Variants in BCKDHB observed in about 807,000 individuals in gnomAD.
The protein encoded by BCKDHB is branched chain keto acid dehydrogenase E1 subunit beta.
In BCKDHB, 41 loss-of-function variants were observed where a neutral mutation model predicts 48.5. The ratio of observed to expected loss-of-function variants is 0.85; its 90% CI spans 0.66 to 1.10. The LOEUF is 1.10. Ranked by LOEUF, BCKDHB falls within the 50% of genes least tolerant of loss-of-function variation. BCKDHB has a pLI of 0.00. For missense variants in BCKDHB, 496 were observed against 494.2 expected (o/e 1.00, Z -0.03); for synonymous variants, 201 against 174.8 (o/e 1.15, Z -1.18).
At chr6:80,419,763 G>T in the BCKDHB span, among the ~76,000 whole-genome samples, 1 of 152,186 alleles carries the variant, frequency 6.6e-6, no homozygotes, top group Non-Finnish European at 1.5e-5. Flanking sequence ...GCCACTGATG[G>T]CCAGGAATGA....
At chr6:80,338,998 T>C (rs2128016123) in intron 9 of BCKDHB, among the ~76,000 whole-genome samples, 1 of 74,064 alleles carries the variant, frequency 1.4e-5, no homozygotes, top group South Asian at 3.3e-4. Context: ...TTATGAAACC[T>C]TGCCATAAAA....
At chr6:80,459,365 A>G in the BCKDHB span, among the ~76,000 whole-genome samples, 1 of 152,210 alleles carries the variant, frequency 6.6e-6, no homozygotes, top group African/African-American at 2.4e-5. Context: ...TTAGCAAAAT[A>G]AATAAACCAG....
At chr6:80,114,583 G>T (rs1396571478) in intron 1 of BCKDHB, among the ~76,000 whole-genome samples, 1 of 152,074 alleles carries the variant, frequency 6.6e-6, no homozygotes, top group East Asian at 1.9e-4. Flanking sequence ...TTTGGAAGTA[G>T]GATTTGATAG....
chr6:80,263,411 TTTTG>T (rs1483237159), intron 8 of BCKDHB, among the ~76,000 whole-genome samples: 11 of 152,186 alleles, frequency 7.2e-5, no homozygotes, highest in Admixed American at 1.3e-4. Flanking sequence ...AAGTTATATA[TTTTG>T]TTTTTCTCTG....
intron 9 of BCKDHB, among the ~76,000 whole-genome samples, chr6:80,292,217 G>A (rs985562902): frequency 3.3e-5 from 5 of 152,184 alleles, no homozygotes; most frequent in African/African-American, 1.2e-4. Context: ...TCAAAGGAAA[G>A]CACACCATTT....
chr6:80,174,943 T>C (rs962098425), intron 6 of BCKDHB, among the ~76,000 whole-genome samples: 5 of 152,250 alleles, frequency 3.3e-5, no homozygotes, highest in African/African-American at 1.2e-4. Context: ...CATAAATACA[T>C]TTATGAATTA....
At chr6:80,295,049 C>A (rs1767151786) in intron 9 of BCKDHB, among the ~76,000 whole-genome samples, 1 of 152,166 alleles carries the variant, frequency 6.6e-6, no homozygotes, top group African/African-American at 2.4e-5. Flanking sequence ...AGGTGGGCAT[C>A]ACAGTCCTAC....
intron 8 of BCKDHB, among the ~76,000 whole-genome samples, chr6:80,207,972 G>A (rs896946543): frequency 2.0e-5 from 3 of 151,732 alleles, no homozygotes; most frequent in Non-Finnish European, 4.4e-5. Context: ...ACAAAATCTC[G>A]TGAAGTGTAT....
chr6:80,115,483 A>G (rs1314784186), intron 1 of BCKDHB, among the ~76,000 whole-genome samples: 1 of 152,158 alleles, frequency 6.6e-6, no homozygotes, highest in Admixed American at 6.5e-5. Flanking sequence ...GATGGAGGGT[A>G]GAGGTTTTGT....
chr6:80,174,147 A>G (rs116470848), intron 6 of BCKDHB, among the ~76,000 whole-genome samples: 2,173 of 152,198 alleles, frequency 0.014, 50 homozygotes, highest in African/African-American at 0.049. Flanking sequence ...TCTTGTGTAC[A>G]TTTGGGAATA....
chr6:80,448,396 A>G, the BCKDHB span, among the ~76,000 whole-genome samples: 1 of 152,136 alleles, frequency 6.6e-6, no homozygotes, highest in Non-Finnish European at 1.5e-5. Context: ...ATGCTATGTG[A>G]AGAATATATT....
chr6:80,186,519 G>A (rs1469833456), intron 6 of BCKDHB, among the ~76,000 whole-genome samples: 2 of 152,182 alleles, frequency 1.3e-5, no homozygotes, highest in African/African-American at 4.8e-5. Flanking sequence ...AGGGCTCTCA[G>A]GCCTTGCCCT....
chr6:80,395,270 C>T, the BCKDHB span, among the ~76,000 whole-genome samples: 1,978 of 152,140 alleles, frequency 0.013, 41 homozygotes, highest in African/African-American at 0.045. Flanking sequence ...TTTGGAGCTT[C>T]CTAAAGACTT....
At chr6:80,397,778 G>A in the BCKDHB span, among the ~76,000 whole-genome samples, 3 of 152,214 alleles carry the variant, frequency 2.0e-5, no homozygotes, top group African/African-American at 7.2e-5. Flanking sequence ...TACTCAGGAG[G>A]CTGAGGCAGG....
chr6:80,370,752 G>A, the BCKDHB span, among the ~76,000 whole-genome samples: 3 of 149,924 alleles, frequency 2.0e-5, no homozygotes, highest in Non-Finnish European at 4.4e-5. Flanking sequence ...GCTGAGTAGT[G>A]TTCCATGGGG....
intron 8 of BCKDHB, among the ~76,000 whole-genome samples, chr6:80,240,449 C>T (rs1047836426): frequency 6.6e-5 from 10 of 152,098 alleles, no homozygotes; most frequent in Non-Finnish European, 1.5e-4. Flanking sequence ...GGAGTTCACT[C>T]ATGATTTGGC....
In BCKDHB at chr6:80,106,830, C is replaced by T; in HGVS notation, c.137C>T (p.Ala46Val). 3 of 1,610,150 alleles carry T rather than the reference C, an allele frequency of 1.9e-6. No individual in the cohort carries two copies. The highest frequency in any genetic ancestry group is 2.2e-5 in the East Asian group (1 of 44,752). The change falls in exon 1 of 10, where the codon GCC (alanine) becomes GTC (valine). Residue 46 changes from alanine (A) to valine (V), a missense_variant. Physicochemically the swap from Ala to Val is moderately conservative, Grantham distance 64. Coordinates refer to ENST00000320393, the MANE Select transcript of BCKDHB (RefSeq NM_183050.4). ...CCCGCCGCGACTGTCGAGGATGCGG[C>T]CCAGAGGCGGCAGGTGGCTCATTTT... Reference protein sequence around the residue: ...LHPAATVEDAAQRRQVAHFTF... With the variant: ...LHPAATVEDAVQRRQVAHFTF...
chr6:80,403,205 A>C, the BCKDHB span, among the ~76,000 whole-genome samples: 5 of 151,884 alleles, frequency 3.3e-5, no homozygotes, highest in Admixed American at 2.0e-4. Context: ...GGCCATTTTA[A>C]CAATATCAAT....
the BCKDHB span, among the ~76,000 whole-genome samples, chr6:80,368,994 C>CA: frequency 1.4e-5 from 2 of 140,390 alleles, no homozygotes; most frequent in African/African-American, 2.8e-5. Context: ...GCTTGGGTGA[C>CA]AGAGTGAGAC....
Sources: gnomAD v4.1 joint callset for allele counts (sites outside exome capture counted in the v4.1 genomes callset) on GRCh38, gnomAD v4.1.1 for gene constraint, MANE v1.5 for transcripts, NCBI Gene and HGNC (gene_info 2026-07-23, HGNC 2026-07-21) for gene names.